Variants in ADAMTS19 observed in about 807,000 individuals in gnomAD.
ADAMTS19 encodes the protein ADAM metallopeptidase with thrombospondin type 1 motif 19, also known as A disintegrin and metalloproteinase with thrombospondin motifs 19.
In ADAMTS19, 93 loss-of-function variants were observed where a neutral mutation model predicts 153.3. The observed-to-expected ratio is 0.61, with a 90% CI of 0.51 to 0.72. ADAMTS19 has a LOEUF of 0.72. Among genes scored for constraint, ADAMTS19 ranks in the 30% least tolerant of loss-of-function variants. ADAMTS19 has a pLI of 0.00. For synonymous variants in ADAMTS19, 600 were observed against 556.6 expected, an observed-to-expected ratio of 1.08 and a Z score of -1.10; for missense variants, 1,482 against 1,552.1, an observed-to-expected ratio of 0.95 and a Z score of 0.76.
intron 7 of ADAMTS19, among the ~76,000 whole-genome samples, chr5:129,555,831 G>T (rs1753292969): frequency 6.6e-6 from 1 of 152,102 alleles, no homozygotes; most frequent in Non-Finnish European, 1.5e-5. Context: ...CTAGAAAACT[G>T]AATGTGAGAA....
chr5:129,507,052 T>TG (rs1319738002), intron 2 of ADAMTS19, among the ~76,000 whole-genome samples: 18 of 152,152 alleles, frequency 1.2e-4, no homozygotes, highest in Non-Finnish European at 5.9e-5. Context: ...TATGTGATAG[T>TG]GTGCAATTAA....
At chr5:129,719,705 A>C (rs56769393) in intron 21 of ADAMTS19, among the ~76,000 whole-genome samples, 7,318 of 152,252 alleles carry the variant, frequency 0.048, 578 homozygotes, top group African/African-American at 0.17. Flanking sequence ...ATTAAAGTAA[A>C]ATATCAAACT....
At chr5:129,570,261 A>G (rs1179442092) in intron 7 of ADAMTS19, among the ~76,000 whole-genome samples, 1 of 151,960 alleles carries the variant, frequency 6.6e-6, no homozygotes, top group African/African-American at 2.4e-5. Flanking sequence ...TATAGACCCC[A>G]CAGACATTAA....
chr5:129,730,619 G>T (rs1198707701), intron 21 of ADAMTS19, among the ~76,000 whole-genome samples: 1 of 151,978 alleles, frequency 6.6e-6, no homozygotes, highest in Admixed American at 6.6e-5. Context: ...AATACAAAGG[G>T]TCTATGTTAA....
At position 129,528,688 on chromosome 5, in the gene ADAMTS19, C is replaced by T; in HGVS notation, c.1328+11C>T. On this transcript the variant is annotated intron_variant, in intron 6 of 22. Transcript: ENST00000274487. The stretch of plus-strand genomic sequence containing the variant: ...TATACTTATAACAAGGTAAATTTTC[C>T]AATGCCAATTAAATGGCATTCCTAA... The T allele has an allele frequency of 1.3e-6, 2 of 1,576,970 alleles. No homozygotes were observed. Among genetic ancestry groups the T allele is most frequent in the East Asian group, 2.4e-5 (1 of 41,722 alleles).
chr5:129,736,811 A>G (rs1400529292), intron 22 of ADAMTS19, among the ~76,000 whole-genome samples: 1 of 152,142 alleles, frequency 6.6e-6, no homozygotes, highest in Non-Finnish European at 1.5e-5. Context: ...GCTTAAAAGT[A>G]CAACACATTG....
intron 2 of ADAMTS19, among the ~76,000 whole-genome samples, chr5:129,466,102 T>C (rs926717801): frequency 3.3e-5 from 5 of 152,204 alleles, no homozygotes; most frequent in African/African-American, 1.2e-4. Flanking sequence ...TATGTGTCGC[T>C]AACACAGGAA....
chr5:129,500,484 T>G (rs1166982631), intron 2 of ADAMTS19: 5 of 152,154 alleles, frequency 3.3e-5, no homozygotes, highest in African/African-American at 1.2e-4. Context: ...GGGATCTCAG[T>G]CTTTTCCTGT....
chr5:129,619,186 G>T (rs1444790584), intron 8 of ADAMTS19, among the ~76,000 whole-genome samples: 4 of 151,970 alleles, frequency 2.6e-5, no homozygotes, highest in Non-Finnish European at 5.9e-5. Context: ...GACAGCATAT[G>T]GGGTTGCAGG....
chr5:129,574,998 A>T (rs1164154917), intron 7 of ADAMTS19, among the ~76,000 whole-genome samples: 1 of 151,998 alleles, frequency 6.6e-6, no homozygotes, highest in East Asian at 1.9e-4. Flanking sequence ...TATGTCAAAA[A>T]CTATATTAAA....
intron 11 of ADAMTS19, among the ~76,000 whole-genome samples, chr5:129,645,115 A>G (rs1373578076): frequency 2.6e-5 from 4 of 152,184 alleles, no homozygotes; most frequent in African/African-American, 9.7e-5. Flanking sequence ...TAGAACTATA[A>G]TTAGTGTGTT....
intron 8 of ADAMTS19, among the ~76,000 whole-genome samples, chr5:129,598,841 A>G (rs1338075477): frequency 6.6e-6 from 1 of 152,290 alleles, no homozygotes; most frequent in East Asian, 1.9e-4. Flanking sequence ...ATCCATGCAT[A>G]TCCAAGTCCA....
intron 16 of ADAMTS19, among the ~76,000 whole-genome samples, chr5:129,672,426 T>C (rs529242391): frequency 6.6e-5 from 10 of 152,266 alleles, no homozygotes; most frequent in Admixed American, 2.0e-4. Flanking sequence ...AAGCTAACTA[T>C]AAAGACCCAC....
Position 129,629,420 on chromosome 5 carries a change from T to C in ADAMTS19, c.1770+7072T>C, listed in dbSNP as rs184614755. 5.1e-4 allele frequency among the ~76,000 whole-genome samples: 78 copies of C among 152,194 alleles called. No homozygotes were observed. In the Middle Eastern group the frequency reaches 0.034, roughly 66 times the overall value. On this transcript the variant is annotated intron_variant, in intron 10 of 22. Coordinates refer to ENST00000274487, the MANE Select transcript of ADAMTS19 (RefSeq NM_133638.6). The stretch of plus-strand genomic sequence containing the variant: ...TGAGGGTTCACAGCAACCTTCAATA[T>C]GTATGTTTCAGGCAAAATCTTAAAA...
Position 129,680,771 on chromosome 5 carries a change from A to C in ADAMTS19, c.2664+850A>C, listed in dbSNP as rs907904019. Among the ~76,000 whole-genome samples the C allele has an allele frequency of 5.6e-4, 82 of 145,946 alleles. 1 individual carries two copies. The highest frequency in any genetic ancestry group is 2.0e-3 in the African/African-American group (78 of 39,422). On this transcript the variant is annotated intron_variant, in intron 17 of 22. Coordinates refer to ENST00000274487, the MANE Select transcript of ADAMTS19 (RefSeq NM_133638.6). The stretch of plus-strand genomic sequence containing the variant: ...AGGGAGACTCTGTCTCAAAAAAAAA[A>C]AAAACAAAAAAAAAAACTGGATATA...
At chr5:129,476,262 A>T (rs1417766245) in intron 2 of ADAMTS19, among the ~76,000 whole-genome samples, 2 of 152,212 alleles carry the variant, frequency 1.3e-5, no homozygotes, top group Non-Finnish European at 2.9e-5. Flanking sequence ...TTTAAATTCC[A>T]TAAAGGATTT....
chr5:129,549,542 T>C (rs1581072108), intron 6 of ADAMTS19, among the ~76,000 whole-genome samples: 1 of 151,702 alleles, frequency 6.6e-6, no homozygotes, highest in East Asian at 1.9e-4. Flanking sequence ...TAATAAACAA[T>C]AAACTTTGAG....
At chr5:129,654,720 T>C (rs1450228795) in intron 14 of ADAMTS19, among the ~76,000 whole-genome samples, 3 of 152,132 alleles carry the variant, frequency 2.0e-5, no homozygotes, top group African/African-American at 7.2e-5. Flanking sequence ...TTGGAGCACT[T>C]TGGACATTTT....
chr5:129,714,409 G>A (rs1581254638), intron 21 of ADAMTS19, among the ~76,000 whole-genome samples: 1 of 125,120 alleles, frequency 8.0e-6, no homozygotes, highest in Admixed American at 9.2e-5. Flanking sequence ...CTGGGCGACA[G>A]AGCGAGACTC....
Sources: gnomAD v4.1 joint callset for allele counts (sites outside exome capture counted in the v4.1 genomes callset) on GRCh38, gnomAD v4.1.1 for gene constraint, MANE v1.5 for transcripts, NCBI Gene and HGNC (gene_info 2026-07-23, HGNC 2026-07-21) for gene names.